Variants in MYO9A observed in about 807,000 individuals in gnomAD.
MYO9A encodes myosin IXA.
In MYO9A, 103 loss-of-function variants were observed where a neutral mutation model predicts 293.3. That is an observed-to-expected ratio of 0.35 (90% confidence interval 0.30 to 0.41). MYO9A has a LOEUF of 0.41. Among genes scored for constraint, MYO9A ranks in the 10% least tolerant of loss-of-function variants. The pLI is 1.00. For missense variants in MYO9A, 2,685 were observed against 3,033.0 expected (o/e 0.89, Z 2.69); for synonymous variants, 1,001 against 1,035.7 (o/e 0.97, Z 0.64).
chr15:71,936,938 A>G (rs949557645), intron 16 of MYO9A, among the ~76,000 whole-genome samples: 10 of 144,310 alleles, frequency 6.9e-5, no homozygotes, highest in East Asian at 5.9e-4. Flanking sequence ...CTGGCTTTAG[A>G]AAAAAAAAAA....
chr15:72,051,385 G>A (rs1046894165), intron 1 of MYO9A, among the ~76,000 whole-genome samples: 1 of 152,124 alleles, frequency 6.6e-6, no homozygotes, highest in Non-Finnish European at 1.5e-5. Flanking sequence ...CTCCCTAGGT[G>A]CAGCTGCGGC....
chr15:71,879,726 A>G lies in MYO9A; in HGVS notation c.5734T>C (p.Leu1912=). The G allele has an allele frequency of 1.2e-6, 2 of 1,607,450 alleles. No homozygotes were observed. The highest frequency in any genetic ancestry group is 1.7e-6 in the Non-Finnish European group (2 of 1,174,208). Residue 1912 remains leucine (L), a synonymous_variant, in exon 30 of 42, where the codon TTG becomes CTG. Transcript: ENST00000356056. ...QNIFSFYSSA[L]AMDDGKSIRY... is the part of the protein sequence containing the mutation. The stretch of plus-strand genomic sequence containing the variant: ...CCTAACATAGTCCAACTCACCGCCA[A>G]TGCAGATGAATAAAAGCTGAAGATA...
At chr15:71,956,330 A>AAAAAAAAATATATATATATATATATATAT (rs10642655) in intron 14 of MYO9A, among the ~76,000 whole-genome samples, 3 of 75,584 alleles carry the variant, frequency 4.0e-5, no homozygotes, top group African/African-American at 1.8e-4. Context: ...AAAAAAAAAA[A>AAAAAAAAATATATATATATATATATATAT]ATATATATAT....
intron 13 of MYO9A, among the ~76,000 whole-genome samples, chr15:71,966,808 A>C (rs2075889824): frequency 6.6e-6 from 1 of 152,172 alleles, no homozygotes; most frequent in Non-Finnish European, 1.5e-5. Context: ...AATCAATGCA[A>C]TCTTTTAAAA....
chr15:71,883,107 T>TA (rs1056908047), intron 28 of MYO9A, among the ~76,000 whole-genome samples: 5 of 151,920 alleles, frequency 3.3e-5, no homozygotes, highest in African/African-American at 4.8e-5. Flanking sequence ...CCTGGCCTAA[T>TA]AAAAAAAATT....
intron 39 of MYO9A, chr15:71,847,462 C>T (rs1425848541): frequency 4.4e-6 from 2 of 453,922 alleles, no homozygotes; most frequent in Non-Finnish European, 8.9e-6. Flanking sequence ...GCAATTAGTA[C>T]AGGTTTCTGG....
intron 1 of MYO9A, among the ~76,000 whole-genome samples, chr15:72,056,936 G>A (rs953071097): frequency 3.0e-4 from 45 of 152,188 alleles, no homozygotes; most frequent in South Asian, 1.5e-3. Context: ...ATGGTGAAAC[G>A]CTGTCTTTAC....
intron 7 of MYO9A, among the ~76,000 whole-genome samples, chr15:72,008,928 C>A (rs193215445): frequency 1.3e-5 from 2 of 152,114 alleles, no homozygotes; most frequent in African/African-American, 4.8e-5. Flanking sequence ...CCAACTAAAA[C>A]AAAGATATTG....
intron 34 of MYO9A, among the ~76,000 whole-genome samples, chr15:71,856,963 C>T (rs564061098): frequency 6.6e-5 from 10 of 152,146 alleles, no homozygotes; most frequent in African/African-American, 2.2e-4. Context: ...ACCTGGTATA[C>T]GTCAAATACT....
At chr15:71,878,388 A>G (rs572263321) in intron 30 of MYO9A, among the ~76,000 whole-genome samples, 157 bp from the exon 31 acceptor site, 1 of 152,340 alleles carries the variant, frequency 6.6e-6, no homozygotes, top group East Asian at 1.9e-4. Context: ...GGTATTTGTA[A>G]ACTCCCATTC....
At chr15:72,059,068 T>A (rs1239440911) in intron 1 of MYO9A, among the ~76,000 whole-genome samples, 1 of 152,228 alleles carries the variant, frequency 6.6e-6, no homozygotes, top group Non-Finnish European at 1.5e-5. Context: ...AGGCACAGGA[T>A]GCAACATATA....
At chr15:71,861,010 A>G (rs1409593210) in intron 33 of MYO9A, among the ~76,000 whole-genome samples, 1 of 144,058 alleles carries the variant, frequency 6.9e-6, no homozygotes, top group Non-Finnish European at 1.5e-5. Flanking sequence ...CCAGCCCAAC[A>G]TAGTCATAAA....
At chr15:71,831,298 C>A (rs751631167) in intron 39 of MYO9A, among the ~76,000 whole-genome samples, 1 of 152,182 alleles carries the variant, frequency 6.6e-6, no homozygotes, top group Non-Finnish European at 1.5e-5. Flanking sequence ...ACATTTATCT[C>A]ATTAATTTAT....
intron 39 of MYO9A, among the ~76,000 whole-genome samples, chr15:71,845,952 A>AAATT (rs2055366148): frequency 6.6e-6 from 1 of 152,208 alleles, no homozygotes; most frequent in Admixed American, 6.5e-5. Context: ...ACGTGGTTTG[A>AAATT]AATTATATGA....
intron 15 of MYO9A, among the ~76,000 whole-genome samples, chr15:71,940,282 C>G (rs1292680317): frequency 6.6e-6 from 1 of 152,148 alleles, no homozygotes; most frequent in Admixed American, 6.5e-5. Flanking sequence ...ATTACTTGAG[C>G]CCGAGAGTTC....
At chr15:72,116,551 T>C (rs1257337632) in intron 1 of MYO9A, among the ~76,000 whole-genome samples, 1 of 151,928 alleles carries the variant, frequency 6.6e-6, no homozygotes, top group Non-Finnish European at 1.5e-5. Context: ...AAGTTTATTA[T>C]TAAACCGACA....
Position 72,008,474 on chromosome 15 carries a change from T to TGA in MYO9A, c.1254-524_1254-523dup, listed in dbSNP as rs532288917. On this transcript the variant is annotated intron_variant, in intron 7 of 41. Coordinates refer to ENST00000356056, the MANE Select transcript of MYO9A (RefSeq NM_006901.4). ...GTGTGTGTGTGTGTGTGTGTGTGTGTGAATGGGGTAAATGGGTGTGTGTGT... is the reference window on the plus strand; with the variant it reads ...GTGTGTGTGTGTGTGTGTGTGTGTGTGAGAATGGGGTAAATGGGTGTGTGTGT... 1.9e-4 allele frequency among the ~76,000 whole-genome samples: 27 copies of TGA among 144,628 alleles called. No individual in the cohort carries two copies. In the East Asian group the frequency reaches 4.3e-3, roughly 23 times the overall value. The allele number at this position is 144,628 out of a possible 152,430, so 94.9% of individuals were successfully genotyped here. A position where few individuals can be genotyped will look rare whatever the true frequency, so the allele number is the denominator to read the frequency against.
At chr15:72,000,801 ATTTAAATCAACCTTATTCAT>A (rs1303045450) in intron 8 of MYO9A, among the ~76,000 whole-genome samples, 1 of 152,204 alleles carries the variant, frequency 6.6e-6, no homozygotes, top group Non-Finnish European at 1.5e-5. Flanking sequence ...CATGTCGATA[ATTTAAATCAACCTTATTCAT>A]TTTAACTGCT....
intron 19 of MYO9A, among the ~76,000 whole-genome samples, chr15:71,915,104 G>T (rs2057970172): frequency 6.6e-6 from 1 of 152,010 alleles, no homozygotes; most frequent in African/African-American, 2.4e-5. Flanking sequence ...TATTAAGTCT[G>T]CTTATGACTC....
Sources: allele counts gnomAD v4.1 joint callset (sites outside exome capture counted in the v4.1 genomes callset), GRCh38; gene constraint gnomAD v4.1.1; transcripts MANE v1.5; gene names NCBI Gene and HGNC (gene_info 2026-07-23, HGNC 2026-07-21).